SDCCAG8: variants seen among roughly 807,000 people sequenced by gnomAD.
SDCCAG8 encodes serologically defined colon cancer antigen 8.
A neutral mutation model predicts 101.8 loss-of-function variants in SDCCAG8; 74 were observed. The observed-to-expected ratio is 0.73, with a 90% CI of 0.60 to 0.88. SDCCAG8 has a LOEUF of 0.88. Ranked by LOEUF, SDCCAG8 falls within the 40% of genes least tolerant of loss-of-function variation. SDCCAG8 has a pLI of 0.00. For missense variants in SDCCAG8, 787 were observed against 822.6 expected (o/e 0.96, Z 0.53); for synonymous variants, 281 against 292.9 (o/e 0.96, Z 0.41).
intron 13 of SDCCAG8, among the ~76,000 whole-genome samples, chr1:243,387,561 AC>A (rs1381525706): frequency 6.6e-6 from 1 of 152,096 alleles, no homozygotes; most frequent in South Asian, 2.1e-4. Context: ...CAGCAACTTG[AC>A]CTATAGGATT....
rs1389870786 is a variant in SDCCAG8, at chr1:243,378,710, C to T, written c.1474-11C>T. The T allele has an allele frequency of 6.2e-7, 1 of 1,613,688 alleles. No homozygotes were observed. The highest frequency in any genetic ancestry group is 1.7e-5 in the Admixed American group (1 of 59,960). ...TTATATGGATGCTTTTTCCCCTTCT[C>T]TCTACCTAAGGAAATAGAGAAATTG... On this transcript the variant is annotated splice_polypyrimidine_tract_variant and intron_variant, in intron 12 of 17. Transcript: ENST00000366541.
chr1:243,264,761 T>C (rs1451805971), intron 1 of SDCCAG8, among the ~76,000 whole-genome samples: 1 of 152,246 alleles, frequency 6.6e-6, no homozygotes, highest in Non-Finnish European at 1.5e-5. Flanking sequence ...CTTACGTTCA[T>C]GTGATCTGTA....
intron 16 of SDCCAG8, among the ~76,000 whole-genome samples, chr1:243,452,770 C>T (rs1221102738): frequency 6.6e-6 from 1 of 152,050 alleles, no homozygotes; most frequent in Non-Finnish European, 1.5e-5. Flanking sequence ...GGGCTGTGAA[C>T]CTTCATAAAA....
chr1:243,486,188 C>T (rs1276171542), intron 16 of SDCCAG8, among the ~76,000 whole-genome samples: 1 of 47,022 alleles, frequency 2.1e-5, no homozygotes, highest in African/African-American at 7.8e-5. Context: ...GCAACAAGAG[C>T]AAAACTCTGC....
chr1:243,338,268 A>G (rs1352527528), intron 10 of SDCCAG8, among the ~76,000 whole-genome samples: 2 of 152,164 alleles, frequency 1.3e-5, no homozygotes, highest in African/African-American at 2.4e-5. Flanking sequence ...GCCCAAGAAC[A>G]TAATGACTGA....
In SDCCAG8 at chr1:243,418,039, T is replaced by TTA. The variant is rs1483969465; in HGVS notation, c.1817_1818dup (p.Ala607Ter). On this transcript the variant is annotated frameshift_variant, in exon 15 of 18. Transcript: ENST00000366541. LOFTEE classifies it high-confidence loss of function. Reference sequence around the variant, plus strand: ...AAAGTTAAAGGAAGAATGCTGTACATTAGCCAAGAAACTGGAACAAATCTC... The same window carrying TTA: ...AAAGTTAAAGGAAGAATGCTGTACATTATAGCCAAGAAACTGGAACAAATCTC... 1 of 1,613,094 alleles carries TTA rather than the reference T, an allele frequency of 6.2e-7. No individual in the cohort carries two copies. Among genetic ancestry groups the TTA allele is most frequent in the South Asian group, 1.1e-5 (1 of 91,066 alleles).
intron 13 of SDCCAG8, among the ~76,000 whole-genome samples, chr1:243,402,330 T>C (rs935191925): frequency 1.3e-5 from 2 of 149,562 alleles, no homozygotes. Context: ...CTCAGGAGGC[T>C]GAGACAGGAT....
intron 6 of SDCCAG8, among the ~76,000 whole-genome samples, chr1:243,294,506 C>CGAGAGAGAGAGAGAGAGAGAGAGA (rs74162272): frequency 0.18 from 19,016 of 104,764 alleles, 3,055 homozygotes; most frequent in East Asian, 0.49. Flanking sequence ...AGAGAAAGAG[C>CGAGAGAGAGAGAGAGAGAGAGAGA]GAGAGAGAGA....
intron 10 of SDCCAG8, among the ~76,000 whole-genome samples, chr1:243,333,278 A>C (rs1054028251): frequency 6.6e-6 from 1 of 152,170 alleles, no homozygotes; most frequent in Non-Finnish European, 1.5e-5. Context: ...TCTTATCCTC[A>C]GGAAAATATT....
At chr1:243,321,724 A>T in intron 9 of SDCCAG8, among the ~76,000 whole-genome samples, 1 of 151,924 alleles carries the variant, frequency 6.6e-6, no homozygotes, top group East Asian at 1.9e-4. Flanking sequence ...ATCTTGGTTC[A>T]CTGTAACCTC....
intron 4 of SDCCAG8, among the ~76,000 whole-genome samples, chr1:243,276,210 T>C (rs1190099123): frequency 6.6e-6 from 1 of 152,074 alleles, no homozygotes; most frequent in Non-Finnish European, 1.5e-5. Context: ...AGAAGGGAGA[T>C]GAGTTTCATA....
At chr1:243,405,119 G>A (rs1272609982) in intron 13 of SDCCAG8, among the ~76,000 whole-genome samples, 1 of 152,084 alleles carries the variant, frequency 6.6e-6, no homozygotes, top group Non-Finnish European at 1.5e-5. Context: ...GCCTGCCTTG[G>A]CCTCCCAAAG....
At chr1:243,450,998 A>T (rs1301038909) in intron 16 of SDCCAG8, among the ~76,000 whole-genome samples, 2 of 152,274 alleles carry the variant, frequency 1.3e-5, no homozygotes, top group African/African-American at 4.8e-5. Flanking sequence ...TTGAAAAAGA[A>T]GTGTTTATTG....
intron 16 of SDCCAG8, among the ~76,000 whole-genome samples, chr1:243,441,087 G>A (rs574449061): frequency 1.1e-4 from 16 of 152,160 alleles, no homozygotes; most frequent in African/African-American, 2.9e-4. Context: ...TTAAGGAGCC[G>A]GTATTTTAAA....
At chr1:243,341,745 G>A (rs4146671) in intron 11 of SDCCAG8, among the ~76,000 whole-genome samples, 83,335 of 152,002 alleles carry the variant, frequency 0.55, 25,780 homozygotes, top group East Asian at 0.89. Context: ...TCACTGGTTC[G>A]TGAATCAAGA....
chr1:243,360,219 C>T (rs1363885978), intron 12 of SDCCAG8, among the ~76,000 whole-genome samples: 2 of 147,846 alleles, frequency 1.4e-5, no homozygotes, highest in Non-Finnish European at 3.0e-5. Context: ...GATCTCAGCT[C>T]ACTGCAAACT....
intron 17 of SDCCAG8, among the ~76,000 whole-genome samples, chr1:243,489,378 A>G (rs1665819317): frequency 6.6e-6 from 1 of 152,202 alleles, no homozygotes; most frequent in African/African-American, 2.4e-5. Context: ...CCGCGAATCA[A>G]CGAACCACAC....
chr1:243,495,250 C>T (rs892244965), intron 17 of SDCCAG8, among the ~76,000 whole-genome samples: 1 of 152,228 alleles, frequency 6.6e-6, no homozygotes, highest in Non-Finnish European at 1.5e-5. Flanking sequence ...TGCGGGGCCG[C>T]CTCCCTCTCC....
At chr1:243,262,064 C>G (rs1198094725) in intron 1 of SDCCAG8, among the ~76,000 whole-genome samples, 2 of 151,640 alleles carry the variant, frequency 1.3e-5, no homozygotes, top group African/African-American at 4.8e-5. Context: ...CCTGCCTTGG[C>G]CTCCCAAAGT....
Sources: allele counts gnomAD v4.1 joint callset (sites outside exome capture counted in the v4.1 genomes callset), GRCh38; gene constraint gnomAD v4.1.1; transcripts MANE v1.5; gene names NCBI Gene and HGNC (gene_info 2026-07-23, HGNC 2026-07-21).